Variants in ACVR1C observed in about 807,000 individuals in gnomAD.
ACVR1C encodes the protein activin receptor type-1C.
A neutral mutation model predicts 57.9 loss-of-function variants in ACVR1C; 23 were observed. That is an observed-to-expected ratio of 0.40 (90% CI 0.29 to 0.56). ACVR1C has a LOEUF of 0.56. ACVR1C is among the 20% of genes least tolerant of loss of function. The pLI, the probability that ACVR1C is intolerant of heterozygous loss-of-function variation, is 0.50. For synonymous variants in ACVR1C, 214 were observed against 215.3 expected (o/e 0.99, Z 0.05); for missense variants, 480 against 607.9 (o/e 0.79, Z 2.21).
intron 2 of ACVR1C, among the ~76,000 whole-genome samples, chr2:157,580,283 A>G (rs1175636138): frequency 2.6e-5 from 4 of 151,938 alleles, no homozygotes; most frequent in African/African-American, 9.7e-5. Flanking sequence ...TTCTCCTTTT[A>G]TAGCAGCTGG....
intron 1 of ACVR1C, among the ~76,000 whole-genome samples, chr2:157,600,752 A>G (rs1029886341): frequency 6.6e-6 from 1 of 152,226 alleles, no homozygotes; most frequent in African/African-American, 2.4e-5. Flanking sequence ...GAAGAGAAGG[A>G]CAAGTGATTT....
At chr2:157,559,576 T>C (rs1366495085) in intron 2 of ACVR1C, among the ~76,000 whole-genome samples, 1 of 152,192 alleles carries the variant, frequency 6.6e-6, no homozygotes, top group African/African-American at 2.4e-5. Flanking sequence ...ATTTGATGCT[T>C]TGCAATTTAG....
At chr2:157,624,344 T>C (rs1243852694) in intron 1 of ACVR1C, among the ~76,000 whole-genome samples, 1 of 152,172 alleles carries the variant, frequency 6.6e-6, no homozygotes, top group African/African-American at 2.4e-5. Flanking sequence ...CTCTTAACCT[T>C]ATTTACGGCA....
chr2:157,548,721 C>T (rs927415897), intron 4 of ACVR1C, among the ~76,000 whole-genome samples: 6 of 152,146 alleles, frequency 3.9e-5, no homozygotes, highest in Non-Finnish European at 8.8e-5. Flanking sequence ...AAACTAAGTA[C>T]TTATTTTAAA....
intron 1 of ACVR1C, among the ~76,000 whole-genome samples, chr2:157,609,537 A>G (rs1037876956): frequency 6.6e-6 from 1 of 151,938 alleles, no homozygotes; most frequent in Non-Finnish European, 1.5e-5. Flanking sequence ...TTTTCTGTCT[A>G]GATAAACTGT....
At chr2:157,621,970 T>G (rs1270763487) in intron 1 of ACVR1C, among the ~76,000 whole-genome samples, 2 of 152,168 alleles carry the variant, frequency 1.3e-5, no homozygotes, top group Non-Finnish European at 2.9e-5. Context: ...TTACTTTGCC[T>G]TGTTTCACCT....
chr2:157,596,551 T>C (rs926248724), intron 1 of ACVR1C, among the ~76,000 whole-genome samples: 1 of 152,190 alleles, frequency 6.6e-6, no homozygotes, highest in Non-Finnish European at 1.5e-5. Flanking sequence ...ACTGTGTCTA[T>C]CAATATTTTA....
chr2:157,620,047 C>T (rs1048688235), intron 1 of ACVR1C, among the ~76,000 whole-genome samples: 7 of 152,040 alleles, frequency 4.6e-5, no homozygotes, highest in African/African-American at 1.7e-4. Flanking sequence ...CAATAACTCT[C>T]TATACTTCTA....
At chr2:157,550,523 T>G in intron 3 of ACVR1C, 131 bp from the exon 4 acceptor site, 1 of 774,912 alleles carries the variant, frequency 1.3e-6, no homozygotes, top group Non-Finnish European at 2.0e-6. Flanking sequence ...TTTGAAGGAA[T>G]AAGTACCATT....
intron 6 of ACVR1C, 148 bp from the exon 7 acceptor site, chr2:157,541,362 C>G: frequency 2.5e-6 from 2 of 799,374 alleles, no homozygotes; most frequent in Non-Finnish European, 1.8e-6. Flanking sequence ...ATTATTGGCT[C>G]AACCATCAAG....
chr2:157,537,187 A>C (rs1322554428), intron 8 of ACVR1C, among the ~76,000 whole-genome samples: 1 of 152,114 alleles, frequency 6.6e-6, no homozygotes, highest in Non-Finnish European at 1.5e-5. Flanking sequence ...ATTCTAAAAA[A>C]ATACATATAG....
At chr2:157,546,229 A>G (rs999906866) in intron 4 of ACVR1C, among the ~76,000 whole-genome samples, 2 of 152,216 alleles carry the variant, frequency 1.3e-5, no homozygotes, top group African/African-American at 4.8e-5. Flanking sequence ...AAAAGAAAAC[A>G]TTCTTAACAG....
chr2:157,599,268 A>G (rs1297665329), intron 1 of ACVR1C, among the ~76,000 whole-genome samples: 3 of 131,808 alleles, frequency 2.3e-5, no homozygotes, highest in African/African-American at 5.7e-5. Context: ...CGAGAGGGGG[A>G]GCTCGCAGTG....
At chr2:157,566,271 T>C (rs1422133474) in intron 2 of ACVR1C, among the ~76,000 whole-genome samples, 1 of 152,220 alleles carries the variant, frequency 6.6e-6, no homozygotes, top group Non-Finnish European at 1.5e-5. Flanking sequence ...CAGAGCTATA[T>C]TCACAGAAGA....
At chr2:157,585,420 T>C (rs1688896074) in intron 2 of ACVR1C, among the ~76,000 whole-genome samples, 1 of 152,204 alleles carries the variant, frequency 6.6e-6, no homozygotes, top group South Asian at 2.1e-4. Flanking sequence ...GTAGAACATA[T>C]AGACCTCTCA....
intron 4 of ACVR1C, among the ~76,000 whole-genome samples, 159 bp downstream of exon 4, chr2:157,550,003 A>C (rs1459622827): frequency 1.4e-4 from 2 of 14,428 alleles, no homozygotes; most frequent in Admixed American, 2.0e-3. Context: ...ATTACGTCTC[A>C]AAAAAAAAAA....
intron 2 of ACVR1C, among the ~76,000 whole-genome samples, chr2:157,567,721 A>C (rs1688428952): frequency 5.6e-5 from 1 of 17,734 alleles, no homozygotes; most frequent in East Asian, 1.5e-3. Context: ...CTATGTGAAA[A>C]GACCAAATCT....
chr2:157,533,843 G>T lies in ACVR1C; in HGVS notation c.*75C>A. Reference sequence around the variant, plus strand: ...CTTTGAGGTAGAACAAAAAAAAAATGGCAAAAACATTCACATAAAGGGGAA... The same window carrying T: ...CTTTGAGGTAGAACAAAAAAAAAATTGCAAAAACATTCACATAAAGGGGAA... On this transcript the variant is annotated 3_prime_UTR_variant, in exon 9 of 9. Transcript: ENST00000243349. 7.2e-7 allele frequency: 1 copy of T among 1,385,718 alleles called. No individual in the cohort carries two copies. The allele number at this position is 1,385,718 out of a possible 1,614,324, so 85.8% of individuals were successfully genotyped here.
rs1687329634 is a variant in ACVR1C at position 157,530,526 on chromosome 2, G to A, written c.*3392C>T. ...TTTTATTAGTAATTCTACAATAGTAGGTGTAATAAAATAATAAATTATTCT... is the reference window on the plus strand; with the variant it reads ...TTTTATTAGTAATTCTACAATAGTAAGTGTAATAAAATAATAAATTATTCT... On this transcript the variant is annotated 3_prime_UTR_variant, in exon 9 of 9. Transcript: ENST00000243349. The A allele has an allele frequency of 6.6e-6, 1 of 151,922 alleles. No homozygotes were observed. Among genetic ancestry groups the A allele is most frequent in the South Asian group, 2.1e-4 (1 of 4,818 alleles). 9.4% of individuals were successfully genotyped at this position (151,922 alleles called of 1,614,324 possible). A position where few individuals can be genotyped will look rare whatever the true frequency, so the allele number is the denominator to read the frequency against.
Sources: allele counts gnomAD v4.1 joint callset (sites outside exome capture counted in the v4.1 genomes callset), GRCh38; gene constraint gnomAD v4.1.1; transcripts MANE v1.5; gene names NCBI Gene and HGNC (gene_info 2026-07-23, HGNC 2026-07-21).